Variants in DCDC2 observed in about 807,000 individuals in gnomAD.
DCDC2 encodes the protein doublecortin domain-containing protein 2.
Under a neutral mutation model 50.2 loss-of-function variants are expected in DCDC2, and 40 were observed. The observed-to-expected ratio is 0.80, with a 90% CI of 0.62 to 1.04. DCDC2 has a LOEUF of 1.04. DCDC2 is among the 50% of genes least tolerant of loss of function. The probability of loss-of-function intolerance (pLI) is 0.00; values close to 1 mark genes in which losing one functional copy is unlikely to be tolerated. For missense variants in DCDC2, 570 were observed against 581.9 expected, an observed-to-expected ratio of 0.98 and a Z score of 0.21; for synonymous variants, 234 against 210.6, an observed-to-expected ratio of 1.11 and a Z score of -0.96.
intron 8 of DCDC2, among the ~76,000 whole-genome samples, chr6:24,188,558 TATATTTTA>T (rs911218761): frequency 2.0e-5 from 3 of 152,206 alleles, no homozygotes; most frequent in African/African-American, 4.8e-5. Flanking sequence ...TTTATATTTT[TATATTTTA>T]TGCTCAAAGT....
At chr6:24,257,698 A>G (rs80025803) in intron 7 of DCDC2, among the ~76,000 whole-genome samples, 5,035 of 113,710 alleles carry the variant, frequency 0.044, 174 homozygotes, top group African/African-American at 0.2. Flanking sequence ...GAAGTTGGGG[A>G]AAAAAAAAAA....
chr6:24,182,777 T>C (rs1761107485), intron 8 of DCDC2, among the ~76,000 whole-genome samples: 1 of 152,156 alleles, frequency 6.6e-6, no homozygotes, highest in Admixed American at 6.5e-5. Flanking sequence ...AATTACCATA[T>C]GATCTAGCAA....
intron 7 of DCDC2, among the ~76,000 whole-genome samples, chr6:24,258,554 C>T (rs557769140): frequency 1.3e-5 from 2 of 152,276 alleles, no homozygotes; most frequent in South Asian, 2.1e-4. Context: ...AGTCCCCACC[C>T]GACCCAGAAG....
intron 7 of DCDC2, among the ~76,000 whole-genome samples, chr6:24,238,724 A>G (rs1762505598): frequency 6.6e-6 from 1 of 152,226 alleles, no homozygotes; most frequent in African/African-American, 2.4e-5. Flanking sequence ...GAGCATCAAT[A>G]TCTGTCTTCA....
the DCDC2 span, among the ~76,000 whole-genome samples, chr6:24,379,176 A>G: frequency 0.55 from 83,139 of 151,914 alleles, 24,502 homozygotes; most frequent in East Asian, 0.8. Context: ...CAATGGCAAC[A>G]AAAGCCAAAA....
At chr6:24,220,156 T>C (rs1762066606) in intron 7 of DCDC2, among the ~76,000 whole-genome samples, 2 of 152,094 alleles carry the variant, frequency 1.3e-5, no homozygotes, top group African/African-American at 4.8e-5. Flanking sequence ...AGAAGTAAAA[T>C]AAAAACAGTT....
At position 24,220,567 on chromosome 6, in the gene DCDC2, A is replaced by C. The variant is rs578255707; in HGVS notation, c.923-15465T>G. Among the ~76,000 whole-genome samples the C allele has an allele frequency of 3.3e-5, 5 of 152,272 alleles. No individual in the cohort carries two copies. The East Asian group carries it at 9.6e-4, about 29-fold the overall frequency. ...CTGGAAGGGTAACTGTCATTTCACA[A>C]AATTTTTATTTCATGAAACAAATAC... On this transcript the variant is annotated intron_variant, in intron 7 of 9. Coordinates refer to ENST00000378454, the MANE Select transcript of DCDC2 (RefSeq NM_016356.5).
intron 2 of DCDC2, among the ~76,000 whole-genome samples, chr6:24,307,326 G>C (rs1024835609): frequency 1.3e-5 from 2 of 152,102 alleles, no homozygotes; most frequent in African/African-American, 4.8e-5. Flanking sequence ...AAACCTCTTG[G>C]AAGAACTGAT....
At position 24,357,960 on chromosome 6, in the gene DCDC2, T is replaced by C. The variant is rs887956049; in HGVS notation, c.-210A>G. On this transcript the variant is annotated 5_prime_UTR_variant, in exon 1 of 10. Transcript: ENST00000378454. ...AGCTTGCAGGACTCGGAGTAGACGC[T>C]CAAGTTTTTCACCGTGGCGTGCACA... 3.4e-6 allele frequency: 5 copies of C among 1,488,152 alleles called. No homozygotes were observed. Among genetic ancestry groups the C allele is most frequent in the Admixed American group, 2.5e-5 (1 of 40,152 alleles). 92.2% of individuals were successfully genotyped at this position (1,488,152 alleles called of 1,614,324 possible).
the DCDC2 span, among the ~76,000 whole-genome samples, chr6:24,378,308 C>G: frequency 6.6e-6 from 1 of 152,156 alleles, no homozygotes; most frequent in African/African-American, 2.4e-5. Context: ...CGTGACTCTT[C>G]TTTGCATACT....
chr6:24,366,951 G>T, the DCDC2 span, among the ~76,000 whole-genome samples: 1 of 151,970 alleles, frequency 6.6e-6, no homozygotes. Flanking sequence ...TCCTGCCCCA[G>T]CCTCCTTAGT....
intron 6 of DCDC2, among the ~76,000 whole-genome samples, chr6:24,280,173 A>G (rs1461637643): frequency 6.6e-6 from 1 of 152,196 alleles, no homozygotes; most frequent in African/African-American, 2.4e-5. Context: ...GGAATGGAAA[A>G]ATTCACAGCC....
chr6:24,313,874 G>A (rs1389763613), intron 2 of DCDC2, among the ~76,000 whole-genome samples: 5 of 152,164 alleles, frequency 3.3e-5, no homozygotes, highest in South Asian at 4.1e-4. Context: ...GAGGACAGAC[G>A]GGGTCCCCAC....
chr6:24,378,218 C>G, the DCDC2 span, among the ~76,000 whole-genome samples: 1 of 152,226 alleles, frequency 6.6e-6, no homozygotes, highest in African/African-American at 2.4e-5. Context: ...GAAATAGGCA[C>G]TGTGGGTGCT....
intron 7 of DCDC2, among the ~76,000 whole-genome samples, chr6:24,231,414 G>C (rs888837158): frequency 3.9e-5 from 6 of 152,162 alleles, no homozygotes; most frequent in African/African-American, 1.4e-4. Context: ...AAGGTATCAG[G>C]CCAGAAGCTG....
chr6:24,289,467 T>A (rs2296537), intron 5 of DCDC2, among the ~76,000 whole-genome samples: 16,600 of 152,114 alleles, frequency 0.11, 1,138 homozygotes, highest in East Asian at 0.17. Context: ...CCCAACTGAA[T>A]CTCTCCAAAA....
chr6:24,342,693 T>TA (rs11364823), intron 2 of DCDC2, among the ~76,000 whole-genome samples: 1,476 of 145,344 alleles, frequency 0.01, 20 homozygotes, highest in African/African-American at 0.029. Flanking sequence ...AGTCTCCAAT[T>TA]AAAAAAAAAA....
At position 24,357,923 on chromosome 6, in the gene DCDC2, G is replaced by A; in HGVS notation, c.-173C>T. 1 of 1,515,486 alleles carries A rather than the reference G, an allele frequency of 6.6e-7. No individual in the cohort carries two copies. Among genetic ancestry groups the A allele is most frequent in the African/African-American group, 1.4e-5 (1 of 71,738 alleles). 93.9% of individuals were successfully genotyped at this position (1,515,486 alleles called of 1,614,324 possible). ...CCGTGCGCCTAGGCGTCCACCCAGA[G>A]GAGACACTAGGAGCTTGCAGGACTC... On this transcript the variant is annotated 5_prime_UTR_variant, in exon 1 of 10. Transcript: ENST00000378454.
At chr6:24,176,502 G>A (rs1192086397) in intron 9 of DCDC2, among the ~76,000 whole-genome samples, 1 of 151,924 alleles carries the variant, frequency 6.6e-6, no homozygotes, top group Non-Finnish European at 1.5e-5. Context: ...TGTCATAATT[G>A]GCAAATAAAA....
Sources: allele counts gnomAD v4.1 joint callset (sites outside exome capture counted in the v4.1 genomes callset), GRCh38; gene constraint gnomAD v4.1.1; transcripts MANE v1.5; gene names NCBI Gene and HGNC (gene_info 2026-07-23, HGNC 2026-07-21).